Variants in ALB observed in about 807,000 individuals in gnomAD.
ALB encodes the protein albumin.
A neutral mutation model predicts 74.5 loss-of-function variants in ALB; 37 were observed. That is an observed-to-expected ratio of 0.50 (90% CI 0.38 to 0.65). ALB has a LOEUF of 0.65. Ranked by LOEUF, ALB falls within the 30% of genes least tolerant of loss-of-function variation. ALB has a pLI of 0.00. For missense variants in ALB, 685 were observed against 718.7 expected, an observed-to-expected ratio of 0.95 and a Z score of 0.54; for synonymous variants, 249 against 251.6, an observed-to-expected ratio of 0.99 and a Z score of 0.10.
In ALB at chr4:73,417,615, C is replaced by A. The variant is rs150914884; in HGVS notation, c.1374C>A (p.Gly458=). ...VEVSRNLGKV[G]SKCCKHPEAK... is the part of the protein sequence containing the mutation. ...TCTCAAGAAACCTAGGAAAAGTGGG[C>A]AGCAAATGTTGTAAACATCCTGAAG... The change falls in exon 11 of 15, where the codon GGC becomes GGA. Residue 458 remains glycine (G), a synonymous_variant. Transcript: ENST00000295897. 3.1e-5 allele frequency: 50 copies of A among 1,613,674 alleles called. No homozygotes were observed. Among genetic ancestry groups the A allele is most frequent in the Non-Finnish European group, 1.5e-5 (18 of 1,179,882 alleles).
In ALB at chr4:73,409,277, G is replaced by T. The variant is rs1336557350; in HGVS notation, c.483-78G>T. ...ATATCTTTGGAATTTGGAGGTTCTG[G>T]GGAGAATGTCGATTACAATTATTTC... On this transcript the variant is annotated intron_variant, in intron 4 of 14. Coordinates refer to ENST00000295897, the MANE Select transcript of ALB (RefSeq NM_000477.7). 3 of 1,498,624 alleles carry T rather than the reference G, an allele frequency of 2.0e-6. No homozygotes were observed. In the East Asian group the frequency reaches 6.8e-5, roughly 34 times the overall value. 92.8% of individuals were successfully genotyped at this position (1,498,624 alleles called of 1,614,324 possible). A position where few individuals can be genotyped will look rare whatever the true frequency, so the allele number is the denominator to read the frequency against.
intron 13 of ALB, 106 bp downstream of exon 13, chr4:73,419,745 G>T (rs56411137): frequency 7.5e-7 from 1 of 1,329,078 alleles, no homozygotes; most frequent in Non-Finnish European, 1.1e-6. Context: ...GTACATGTGG[G>T]ACAGGGATCT....
At position 73,417,606 on chromosome 4, in the gene ALB, A is replaced by T. The variant is rs772818814; in HGVS notation, c.1365A>T (p.Gly455=). Residue 455 remains glycine, a synonymous_variant, in exon 11 of 15, where the codon GGA becomes GGT. Coordinates refer to ENST00000295897, the MANE Select transcript of ALB (RefSeq NM_000477.7). ...PTLVEVSRNL[G]KVGSKCCKHP... ...TTGTAGAGGTCTCAAGAAACCTAGG[A>T]AAAGTGGGCAGCAAATGTTGTAAAC... 1 of 1,613,948 alleles carries T rather than the reference A, an allele frequency of 6.2e-7. No homozygotes were observed. Among genetic ancestry groups the T allele is most frequent in the Non-Finnish European group, 8.5e-7 (1 of 1,179,854 alleles).
chr4:73,413,991 C>A (rs553936368), intron 8 of ALB, among the ~76,000 whole-genome samples: 2 of 152,148 alleles, frequency 1.3e-5, no homozygotes, highest in Non-Finnish European at 2.9e-5. Flanking sequence ...GCCTGTCTAT[C>A]TAACTAATCT....
chr4:73,408,913 TG>T (rs1718799711), intron 4 of ALB, 108 bp downstream of exon 4: 1 of 1,004,078 alleles, frequency 1.0e-6, no homozygotes, highest in African/African-American at 1.6e-5. Context: ...CATTAAGACT[TG>T]GAAGTTTTGT....
rs1302015075 is a variant in ALB, at chr4:73,421,284, A to C, written c.*216A>C. ...GAGTGGTACAGCACTGTTATTTTTC[A>C]AAGATGTGTTGCTATCCTGAAAATT... On this transcript the variant is annotated 3_prime_UTR_variant, in exon 15 of 15. Transcript: ENST00000295897. The C allele has an allele frequency of 2.3e-5, 10 of 440,280 alleles. No individual in the cohort carries two copies. The highest frequency in any genetic ancestry group is 4.1e-5 in the African/African-American group (2 of 49,178). The allele number at this position is 440,280 out of a possible 1,614,324, so 27.3% of individuals were successfully genotyped here.
In ALB at chr4:73,413,419, G is replaced by A. The variant is rs1222804872; in HGVS notation, c.844-1G>A. ...AACAATTTCCACCAACTTACTTATA[G>A]GCGGACCTTGCCAAGTATATCTGTG... On this transcript the variant is annotated splice_acceptor_variant, in intron 7 of 14. Coordinates refer to ENST00000295897, the MANE Select transcript of ALB (RefSeq NM_000477.7). LOFTEE classifies it high-confidence loss of function. 6.2e-7 allele frequency: 1 copy of A among 1,612,954 alleles called. No homozygotes were observed. Among genetic ancestry groups the A allele is most frequent in the Non-Finnish European group, 8.5e-7 (1 of 1,178,990 alleles).
chr4:73,414,788 A>G (rs1037092396), intron 8 of ALB, among the ~76,000 whole-genome samples: 1 of 151,934 alleles, frequency 6.6e-6, no homozygotes, highest in Admixed American at 6.6e-5. Context: ...TTCTACCGAG[A>G]AGGAGACTAA....
At chr4:73,409,252 A>G (rs1308808551) in intron 4 of ALB, 103 bp from the exon 5 acceptor site, 2 of 1,265,128 alleles carry the variant, frequency 1.6e-6, no homozygotes, top group African/African-American at 1.5e-5. Flanking sequence ...GGTTAATTAG[A>G]TATCTTTGGA....
chr4:73,419,685 C>T (rs2149330021), intron 13 of ALB, 46 bp downstream of exon 13: 1 of 1,608,840 alleles, frequency 6.2e-7, no homozygotes, highest in Non-Finnish European at 8.5e-7. Flanking sequence ...TTCATTTTTG[C>T]ATGTTTGGTT....
chr4:73,420,154 GA>G (rs1466665916), intron 13 of ALB, 99 bp from the exon 14 acceptor site: 2 of 1,057,278 alleles, frequency 1.9e-6, no homozygotes, highest in African/African-American at 3.2e-5. Context: ...TGATGCACGT[GA>G]AATCACTTTG....
Position 73,415,042 on chromosome 4 carries a change from T to C in ALB, c.1066T>C (p.Tyr356His). ...AKDVFLGMFL[Y>H]EYARRHPDYS... is the part of the protein sequence containing the mutation. ...TATTTTCATCTTAATTAGGTTTTTG[T>C]ATGAATATGCAAGAAGGCATCCTGA... is the stretch of plus-strand genomic sequence containing the variant. Residue 356 changes from tyrosine (Y) to histidine (H), a missense_variant, in exon 9 of 15, where the codon TAT (tyrosine) becomes CAT (histidine). Coordinates refer to ENST00000295897, the MANE Select transcript of ALB (RefSeq NM_000477.7). 6.2e-7 allele frequency: 1 copy of C among 1,614,110 alleles called. No homozygotes were observed. Among genetic ancestry groups the C allele is most frequent in the Non-Finnish European group, 8.5e-7 (1 of 1,179,980 alleles).
At chr4:73,416,535 T>G (rs1162384861) in intron 10 of ALB, among the ~76,000 whole-genome samples, 182 bp downstream of exon 10, 1 of 152,108 alleles carries the variant, frequency 6.6e-6, no homozygotes, top group African/African-American at 2.4e-5. Flanking sequence ...GGTCTATATT[T>G]GAATGTAGTC....
Position 73,408,618 on chromosome 4 carries a change from TG to T in ALB, c.296del (p.Cys99SerfsTer42). On this transcript the variant is annotated frameshift_variant, in exon 4 of 15. Transcript: ENST00000295897. LOFTEE classifies it high-confidence loss of function. ...SLHTLFGDKLCTVATLRETYG... is the reference protein window; with the variant it reads ...SLHTLFGDKLXTVATLRETYG... ...GCATACCCTTTTTGGAGACAAATTA[TG>T]CACAGTTGCAACTCTTCGTGAAACC... 2 of 1,614,040 alleles carry T rather than the reference TG, an allele frequency of 1.2e-6. No individual in the cohort carries two copies. The highest frequency in any genetic ancestry group is 1.7e-6 in the Non-Finnish European group (2 of 1,179,912).
Position 73,421,198 on chromosome 4 carries a change from T to A in ALB, c.*130T>A. On this transcript the variant is annotated 3_prime_UTR_variant, in exon 15 of 15. Transcript: ENST00000295897. The stretch of plus-strand genomic sequence containing the variant: ...ACCCTGTCTAAAAAACATAAATTTC[T>A]TTAATCATTTTGCCTCTTTTCTCTG... The A allele has an allele frequency of 1.5e-6, 1 of 650,674 alleles. No homozygotes were observed. The highest frequency in any genetic ancestry group is 2.7e-6 in the Non-Finnish European group (1 of 365,660). The allele number at this position is 650,674 out of a possible 1,614,324, so 40.3% of individuals were successfully genotyped here. A position where few individuals can be genotyped will look rare whatever the true frequency, so the allele number is the denominator to read the frequency against.
At position 73,420,258 on chromosome 4, in the gene ALB, A is replaced by G. The variant is rs754693276; in HGVS notation, c.1790A>G (p.Lys597Arg). ...CTGTCATGTCTTTGTGTTCAGGGTA[A>G]AAAACTTGTTGCTGCAAGTCAAGCT... ...DKETCFAEEGKKLVAASQAAL... is the reference protein window; with the variant it reads ...DKETCFAEEGRKLVAASQAAL... Residue 597 changes from lysine to arginine, a missense_variant, in exon 14 of 15, where the codon AAA becomes AGA. Physicochemically the swap from Lys to Arg is conservative, Grantham distance 26 (BLOSUM62 2). Coordinates refer to ENST00000295897, the MANE Select transcript of ALB (RefSeq NM_000477.7). 3.1e-6 allele frequency: 5 copies of G among 1,612,720 alleles called. No homozygotes were observed. In the Admixed American group the frequency reaches 5.0e-5, roughly 16 times the overall value.
At chr4:73,419,474 G>GTTTTTTTTTT in intron 12 of ALB, 33 bp from the exon 13 acceptor site, 1 of 1,304,962 alleles carries the variant, frequency 7.7e-7, no homozygotes, top group Non-Finnish European at 1.1e-6. Context: ...TGTTTTTTCT[G>GTTTTTTTTTT]TTTTTTTTTT....
At position 73,408,705 on chromosome 4, in the gene ALB, C is replaced by A. The variant is rs781291280; in HGVS notation, c.382C>A (p.Gln128Lys). 10 of 1,613,874 alleles carry A rather than the reference C, an allele frequency of 6.2e-6. No individual in the cohort carries two copies. The highest frequency in any genetic ancestry group is 7.6e-6 in the Non-Finnish European group (9 of 1,179,938). ...QEPERNECFLQHKDDNPNLPR... is the reference protein window; with the variant it reads ...QEPERNECFLKHKDDNPNLPR... The stretch of plus-strand genomic sequence containing the variant: ...ACCTGAGAGAAATGAATGCTTCTTG[C>A]AACACAAAGATGACAACCCAAACCT... Residue 128 changes from glutamine (Q) to lysine (K), a missense_variant, in exon 4 of 15, where the codon CAA (glutamine) becomes AAA (lysine). By Grantham distance (53) the Gln-to-Lys change is moderately conservative. Transcript: ENST00000295897.
At position 73,421,069 on chromosome 4, in the gene ALB, A is replaced by T. The variant is rs938068534; in HGVS notation, c.*24-23A>T. On this transcript the variant is annotated intron_variant, in intron 14 of 14. Coordinates refer to ENST00000295897, the MANE Select transcript of ALB (RefSeq NM_000477.7). ...ACATGCCATTTTACAAATAAGACTT[A>T]TATTTGTCCTTTTGTTTTTCAGCCT... 4.4e-6 allele frequency: 3 copies of T among 686,428 alleles called. No homozygotes were observed. The African/African-American group carries it at 5.3e-5, about 12-fold the overall frequency. 42.5% of individuals were successfully genotyped at this position (686,428 alleles called of 1,614,324 possible).
Sources: gnomAD v4.1 joint callset for allele counts (sites outside exome capture counted in the v4.1 genomes callset) on GRCh38, gnomAD v4.1.1 for gene constraint, MANE v1.5 for transcripts, NCBI Gene and HGNC (gene_info 2026-07-23, HGNC 2026-07-21) for gene names.